The following FCHO1 variants were observed in gnomAD, a reference collection of about 807,000 sequenced individuals.
The protein encoded by FCHO1 is F-BAR domain only protein 1.
In FCHO1, 45 loss-of-function variants were observed where a neutral mutation model predicts 114.4. The ratio of observed to expected loss-of-function variants is 0.39; its 90% CI spans 0.31 to 0.50. The LOEUF (loss-of-function observed/expected upper bound fraction) is 0.50, where lower values mean the gene tolerates loss of function less well. FCHO1 is among the 20% of genes least tolerant of loss of function. The pLI is 0.77. For missense variants in FCHO1, 1,042 were observed against 1,209.6 expected (o/e 0.86, Z 2.06); for synonymous variants, 480 against 488.9 (o/e 0.98, Z 0.24).
chr19:17,776,605 A>G lies in FCHO1; in HGVS notation c.1208-30A>G, dbSNP rs778469859. On this transcript the variant is annotated intron_variant, in intron 17 of 28. Transcript: ENST00000596536. The surrounding 1 kb of genome is among the most constrained non-coding windows in gnomAD (Gnocchi z 4.4). ...GGGGAGCATTGCAGGCAGGGTGACA[A>G]GAAGGCTGAAGGAGGTGCATCTCTT... 1.2e-6 allele frequency: 2 copies of G among 1,613,552 alleles called. No homozygotes were observed. The highest frequency in any genetic ancestry group is 1.7e-5 in the Admixed American group (1 of 59,990).
intron 27 of FCHO1, 37 bp downstream of exon 27, chr19:17,786,666 G>GGGC: frequency 4.0e-6 from 2 of 496,972 alleles, no homozygotes; most frequent in Non-Finnish European, 8.2e-6. Flanking sequence ...GGGTGGGAGG[G>GGGC]ACTGGGGTCA....
intron 4 of FCHO1, among the ~76,000 whole-genome samples, chr19:17,762,397 T>C (rs1315944280): frequency 6.6e-6 from 1 of 151,780 alleles, no homozygotes; most frequent in African/African-American, 2.4e-5. Context: ...TAATTCCTCA[T>C]TTATGGAAAG....
chr19:17,762,830 G>C lies in FCHO1; in HGVS notation c.96G>C (p.Glu32Asp), dbSNP rs1394686039. ...SVKQGPISTK[E>D]LADFIRERAT... ...AGCAGGGGCCCATCTCCACCAAGGA[G>C]CTGGCGGACTTCATCCGGGAGAGGT... The change falls in exon 5 of 29, where the codon GAG becomes GAC. Residue 32 changes from glutamate (E) to aspartate (D), a missense_variant. Glu to Asp is a conservative substitution (Grantham distance 45). This residue lies in a region of FCHO1 where 450 missense variants were observed against 564.1 expected (regional missense o/e 0.80). Coordinates refer to ENST00000596536, the MANE Select transcript of FCHO1 (RefSeq NM_015122.3). 6.2e-7 allele frequency: 1 copy of C among 1,613,790 alleles called. No individual in the cohort carries two copies. The highest frequency in any genetic ancestry group is 1.1e-5 in the South Asian group (1 of 91,066).
intron 1 of FCHO1, among the ~76,000 whole-genome samples, chr19:17,753,294 T>G (rs1014784330): frequency 1.3e-5 from 2 of 152,280 alleles, no homozygotes; most frequent in Admixed American, 1.3e-4. Context: ...GGGGGTGTGG[T>G]GGGGACTGAA....
chr19:17,764,696 T>C (rs2088007076), intron 6 of FCHO1, among the ~76,000 whole-genome samples: 1 of 152,196 alleles, frequency 6.6e-6, no homozygotes, highest in Non-Finnish European at 1.5e-5. Flanking sequence ...GCCACCTTCA[T>C]GCAATGTACA....
At position 17,775,434 on chromosome 19, in the gene FCHO1, T is replaced by C; in HGVS notation, c.946-22T>C. 2 of 1,611,752 alleles carry C rather than the reference T, an allele frequency of 1.2e-6. No homozygotes were observed. The highest frequency in any genetic ancestry group is 1.7e-5 in the Admixed American group (1 of 59,984). ...TTCGATAGTGGGGCGCCTGACTCAC[T>C]GCTGCCCCCTGACTCCCCTAGACAT... is the stretch of plus-strand genomic sequence containing the variant. On this transcript the variant is annotated intron_variant, in intron 14 of 28. Coordinates refer to ENST00000596536, the MANE Select transcript of FCHO1 (RefSeq NM_015122.3). The surrounding 1 kb of genome is among the most constrained non-coding windows in gnomAD (Gnocchi z 5.1).
intron 23 of FCHO1, 60 bp from the exon 24 acceptor site, chr19:17,782,957 G>A: frequency 6.3e-7 from 1 of 1,580,216 alleles, no homozygotes; most frequent in South Asian, 1.2e-5. Context: ...CAAGAGAAGG[G>A]GAAGGATGAG....
At chr19:17,749,654 G>A (rs2081428637), upstream of FCHO1, among the ~76,000 whole-genome samples, 1 of 152,172 alleles carries the variant, frequency 6.6e-6, no homozygotes, top group South Asian at 2.1e-4. Flanking sequence ...GAGTCACTGT[G>A]TGACCTGGGG....
Position 17,781,320 on chromosome 19 carries a change from C to G in FCHO1, c.1717C>G (p.Leu573Val), listed in dbSNP as rs1364772638. 1.2e-6 allele frequency: 2 copies of G among 1,613,942 alleles called. No homozygotes were observed. Among genetic ancestry groups the G allele is most frequent in the African/African-American group, 2.7e-5 (2 of 74,918 alleles). The change falls in exon 21 of 29, where the codon CTC becomes GTC. Residue 573 changes from leucine (L) to valine (V), a missense_variant. Coordinates refer to ENST00000596536, the MANE Select transcript of FCHO1 (RefSeq NM_015122.3). ...TCGCTCTAGGAAGGTGTCCTGCCCTCTCACACGTAGCAATGGGGACCTGGT... is the reference window on the plus strand; with the variant it reads ...TCGCTCTAGGAAGGTGTCCTGCCCTGTCACACGTAGCAATGGGGACCTGGT... ...RLRSRKVSCP[L>V]TRSNGDLSRS...
In FCHO1 at chr19:17,784,994, C is replaced by T; in HGVS notation, c.2426+70C>T. The T allele has an allele frequency of 6.7e-7, 1 of 1,485,242 alleles. No homozygotes were observed. The highest frequency in any genetic ancestry group is 9.2e-7 in the Non-Finnish European group (1 of 1,081,546). The allele number at this position is 1,485,242 out of a possible 1,614,324, so 92.0% of individuals were successfully genotyped here. A position where few individuals can be genotyped will look rare whatever the true frequency, so the allele number is the denominator to read the frequency against. ...ATAACCCCAGACCTTCTCCCTGATG[C>T]ATTGATTAAAGGGTGCACCCTCGGC... On this transcript the variant is annotated intron_variant, in intron 26 of 28. Transcript: ENST00000596536. This position sits in a 1 kb window ranked among gnomAD's most constrained non-coding sequence, Gnocchi z 5.3.
intron 5 of FCHO1, among the ~76,000 whole-genome samples, chr19:17,763,077 A>T (rs1287305270): frequency 6.6e-6 from 1 of 151,976 alleles, no homozygotes; most frequent in African/African-American, 2.4e-5. Flanking sequence ...TCAAAAGAGG[A>T]TGATATAACC....
At chr19:17,781,419 A>C (rs745382966) in intron 21 of FCHO1, 33 bp from the exon 22 acceptor site, 2 of 1,612,448 alleles carry the variant, frequency 1.2e-6, no homozygotes, top group Admixed American at 1.7e-5. Flanking sequence ...GTCCTGGGGC[A>C]CTCACAGCCA....
At position 17,755,143 on chromosome 19, in the gene FCHO1, G is replaced by A. The variant is rs2083020231; in HGVS notation, c.-22G>A. 1.9e-6 allele frequency: 3 copies of A among 1,613,362 alleles called. No individual in the cohort carries two copies. The highest frequency in any genetic ancestry group is 1.1e-5 in the South Asian group (1 of 91,054). On this transcript the variant is annotated 5_prime_UTR_variant, in exon 4 of 29. Transcript: ENST00000596536. ...ACAGGCACTGGACGGGGCCTGCAGG[G>A]GTCTCCACAGAGACCATCAGGATGT... is the stretch of plus-strand genomic sequence containing the variant.
At chr19:17,761,548 G>A (rs1326335753) in intron 4 of FCHO1, among the ~76,000 whole-genome samples, 1 of 151,484 alleles carries the variant, frequency 6.6e-6, no homozygotes, top group African/African-American at 2.4e-5. Flanking sequence ...TCAGTTCTAG[G>A]AGTTTTTTGG....
chr19:17,767,224 G>A (rs149327971), intron 7 of FCHO1, among the ~76,000 whole-genome samples: 1,824 of 151,954 alleles, frequency 0.012, 15 homozygotes, highest in Middle Eastern at 0.085. Context: ...CTGGGACTAC[G>A]TTGCACGCCA....
chr19:17,769,296 G>T (rs1410989633), intron 7 of FCHO1, among the ~76,000 whole-genome samples: 20 of 90,772 alleles, frequency 2.2e-4, no homozygotes, highest in East Asian at 8.6e-4. Context: ...AAAAAAAAAG[G>T]CCTGGCACGG....
At chr19:17,781,662 T>C in intron 22 of FCHO1, 50 bp from the exon 23 acceptor site, 1 of 1,547,970 alleles carries the variant, frequency 6.5e-7, no homozygotes. Context: ...CTGGAGCCTA[T>C]ATTCACACTG....
chr19:17,757,885 C>T (rs1281276623), intron 4 of FCHO1, among the ~76,000 whole-genome samples: 1 of 140,700 alleles, frequency 7.1e-6, no homozygotes, highest in Non-Finnish European at 1.5e-5. Context: ...CACTGGACTC[C>T]AGCCTGGGCG....
chr19:17,780,351 A>G (rs964544823), intron 20 of FCHO1, among the ~76,000 whole-genome samples: 2 of 151,840 alleles, frequency 1.3e-5, no homozygotes, highest in African/African-American at 2.4e-5. Flanking sequence ...TTTAGTAGAG[A>G]TGGGGTTTCA....
Sources: allele counts gnomAD v4.1 joint callset (sites outside exome capture counted in the v4.1 genomes callset), GRCh38; gene constraint gnomAD v4.1.1; regional missense constraint gnomAD v4.1.1; non-coding constraint Gnocchi (gnomAD v3.1); transcripts MANE v1.5; gene names NCBI Gene and HGNC (gene_info 2026-07-23, HGNC 2026-07-21).